Variants in ALDH18A1 observed in about 807,000 individuals in gnomAD.
The protein encoded by ALDH18A1 is aldehyde dehydrogenase 18 family member A1, also known as delta-1-pyrroline-5-carboxylate synthase.
ALDH18A1 carries 44 observed loss-of-function variants against 88.8 expected under a neutral mutation model. The observed-to-expected ratio is 0.50, with a 90% CI of 0.39 to 0.64. The LOEUF is 0.64. Ranked by LOEUF, ALDH18A1 falls within the 30% of genes least tolerant of loss-of-function variation. The probability of loss-of-function intolerance (pLI) is 0.00; values close to 1 mark genes in which losing one functional copy is unlikely to be tolerated. For synonymous variants in ALDH18A1, 331 were observed against 372.1 expected (o/e 0.89, Z 1.27); for missense variants, 782 against 1,009.5 (o/e 0.77, Z 3.05).
In ALDH18A1 at chr10:95,637,208, C is replaced by A. The variant is rs1158994004; in HGVS notation, c.454-11G>T. Reference sequence around the variant, plus strand: ...TAAGACTGGAATTGCCTGTAATATACCAATGAGACAAGGTGTGGTAGGGAA... The same window carrying A: ...TAAGACTGGAATTGCCTGTAATATAACAATGAGACAAGGTGTGGTAGGGAA... On this transcript the variant is annotated splice_polypyrimidine_tract_variant and intron_variant, in intron 4 of 17. Coordinates refer to ENST00000371224, the MANE Select transcript of ALDH18A1 (RefSeq NM_002860.4). The A allele has an allele frequency of 6.2e-7, 1 of 1,614,178 alleles. No individual in the cohort carries two copies. Among genetic ancestry groups the A allele is most frequent in the Non-Finnish European group, 8.5e-7 (1 of 1,180,034 alleles).
rs373239891 is a variant in ALDH18A1 at position 95,621,081 on chromosome 10, T to C, written c.1417A>G (p.Ile473Val). Residue 473 changes from isoleucine to valine, a missense_variant, in exon 12 of 18, where the codon ATT (isoleucine) becomes GTT (valine). Coordinates refer to ENST00000371224, the MANE Select transcript of ALDH18A1 (RefSeq NM_002860.4). ...NLELEQVTVP[I>V]GVLLVIFESR... ...TCAAAGATCACCAGCAGAACTCCAA[T>C]TGGGACAGTCACTTGTTCCAGTTCC... 2.4e-5 allele frequency: 38 copies of C among 1,614,014 alleles called. No individual in the cohort carries two copies. The highest frequency in any genetic ancestry group is 6.7e-5 in the Admixed American group (4 of 59,988).
At chr10:95,628,188 G>A (rs1407593445) in intron 8 of ALDH18A1, among the ~76,000 whole-genome samples, 180 bp downstream of exon 8, 3 of 152,120 alleles carry the variant, frequency 2.0e-5, no homozygotes, top group African/African-American at 7.2e-5. Context: ...CACATACACA[G>A]ACATAACCAA....
chr10:95,635,529 A>C (rs1454570329), intron 5 of ALDH18A1, among the ~76,000 whole-genome samples: 1 of 152,214 alleles, frequency 6.6e-6, no homozygotes, highest in Non-Finnish European at 1.5e-5. Flanking sequence ...CAAACCACCT[A>C]CTGGAAATTT....
chr10:95,635,890 C>G (rs1486858947), intron 5 of ALDH18A1, among the ~76,000 whole-genome samples: 1 of 152,196 alleles, frequency 6.6e-6, no homozygotes, highest in African/African-American at 2.4e-5. Context: ...CACCTGGCTC[C>G]AGGCACTTTA....
intron 7 of ALDH18A1, among the ~76,000 whole-genome samples, chr10:95,632,508 C>T (rs2152916): frequency 0.28 from 42,059 of 152,004 alleles, 6,778 homozygotes; most frequent in Admixed American, 0.4. Flanking sequence ...GAACCGCAGG[C>T]GCATACCACC....
rs2097858892 is a variant in ALDH18A1, at chr10:95,625,392, C to T, written c.1216G>A (p.Ala406Thr). 6.2e-7 allele frequency: 1 copy of T among 1,613,928 alleles called. No individual in the cohort carries two copies. Among genetic ancestry groups the T allele is most frequent in the Non-Finnish European group, 8.5e-7 (1 of 1,179,984 alleles). ...LTDQRDEILL[A>T]NKKDLEEAEG... ...GCCTCCTCCAAGTCTTTTTTGTTGG[C>T]TAACAGGATCTCATCACGCTGGTCC... Residue 406 changes from alanine to threonine, a missense_variant, in exon 11 of 18, where the codon GCC becomes ACC. Ala to Thr is a moderately conservative substitution (Grantham distance 58). Coordinates refer to ENST00000371224, the MANE Select transcript of ALDH18A1 (RefSeq NM_002860.4).
chr10:95,623,063 G>A (rs2097855347), intron 11 of ALDH18A1, among the ~76,000 whole-genome samples: 1 of 150,772 alleles, frequency 6.6e-6, no homozygotes, highest in Non-Finnish European at 1.5e-5. Context: ...TTTCTGCCTT[G>A]GGGGGAAGCA....
intron 2 of ALDH18A1, 96 bp downstream of exon 2, chr10:95,653,194 A>G: frequency 1.6e-6 from 2 of 1,230,078 alleles, no homozygotes; most frequent in South Asian, 2.4e-5. Context: ...TCTCCAAACA[A>G]ACAAACAAAC....
At position 95,616,934 on chromosome 10, in the gene ALDH18A1, C is replaced by T. The variant is rs1566003345; in HGVS notation, c.1468-320G>A. Among the ~76,000 whole-genome samples, 4 of 152,304 alleles carry T rather than the reference C, an allele frequency of 2.6e-5. No homozygotes were observed. The South Asian group carries it at 8.3e-4, about 32-fold the overall frequency. Reference sequence around the variant, plus strand: ...TTTTAGCAACTAAACTATATGGCTTCCTTAGCACCATTAGCAAAGAGAACT... The same window carrying T: ...TTTTAGCAACTAAACTATATGGCTTTCTTAGCACCATTAGCAAAGAGAACT... On this transcript the variant is annotated intron_variant, in intron 12 of 17. Coordinates refer to ENST00000371224, the MANE Select transcript of ALDH18A1 (RefSeq NM_002860.4).
intron 17 of ALDH18A1, among the ~76,000 whole-genome samples, chr10:95,607,248 T>C (rs2097824466): frequency 6.6e-6 from 1 of 152,272 alleles, no homozygotes; most frequent in Admixed American, 6.5e-5. Context: ...GCATCTGAAT[T>C]GCATACCATA....
At chr10:95,629,466 A>G (rs939301426) in intron 7 of ALDH18A1, among the ~76,000 whole-genome samples, 11 of 152,244 alleles carry the variant, frequency 7.2e-5, no homozygotes, top group African/African-American at 2.4e-5. Flanking sequence ...AGAGCAAAGC[A>G]GTGGCAACTA....
intron 17 of ALDH18A1, among the ~76,000 whole-genome samples, chr10:95,609,932 C>T (rs1381460434): frequency 6.6e-6 from 1 of 152,042 alleles, no homozygotes; most frequent in Non-Finnish European, 1.5e-5. Context: ...CCACACCTGG[C>T]TAATTTTTTG....
chr10:95,631,493 C>T (rs1018761244), intron 7 of ALDH18A1, among the ~76,000 whole-genome samples: 9 of 151,978 alleles, frequency 5.9e-5, no homozygotes, highest in South Asian at 2.1e-4. Flanking sequence ...ACCTGTAATC[C>T]CAGCACTTTG....
intron 5 of ALDH18A1, 26 bp from the exon 6 acceptor site, chr10:95,633,675 T>C (rs748133741): frequency 6.8e-6 from 11 of 1,612,934 alleles, no homozygotes; most frequent in Non-Finnish European, 9.3e-6. Flanking sequence ...AGATGGAAAA[T>C]GCATGAGGGA....
At position 95,633,495 on chromosome 10, in the gene ALDH18A1, AC is replaced by A; in HGVS notation, c.712del (p.Val238Ter). 6.2e-7 allele frequency: 1 copy of A among 1,613,902 alleles called. No individual in the cohort carries two copies. ...CCTTAGAAATACTTTACCCACATTT[AC>A]CCCCTGCAGGTCACTGTTGGGCTCA... Reference protein sequence around the residue: ...PAEPNSDLQGVNVISVKDNDS... With the variant: ...PAEPNSDLQGXNVISVKDNDS... On this transcript the variant is annotated frameshift_variant, in exon 6 of 18. Coordinates refer to ENST00000371224, the MANE Select transcript of ALDH18A1 (RefSeq NM_002860.4). LOFTEE classifies it high-confidence loss of function.
At position 95,606,625 on chromosome 10, in the gene ALDH18A1, G is replaced by T; in HGVS notation, c.*137C>A. The T allele has an allele frequency of 6.3e-7, 1 of 1,598,868 alleles. No homozygotes were observed. On this transcript the variant is annotated 3_prime_UTR_variant, in exon 18 of 18. Coordinates refer to ENST00000371224, the MANE Select transcript of ALDH18A1 (RefSeq NM_002860.4). ...GCCAAGACTGCTATTGCCAAACGGA[G>T]CCCAGAAGCATCCAGGTACACTTTC...
At chr10:95,629,422 G>C (rs544697717) in intron 7 of ALDH18A1, among the ~76,000 whole-genome samples, 2 of 152,272 alleles carry the variant, frequency 1.3e-5, no homozygotes, top group African/African-American at 4.8e-5. Context: ...AGGAGTAAGT[G>C]AATCAGGGAA....
chr10:95,630,648 T>C (rs2097867508), intron 7 of ALDH18A1, among the ~76,000 whole-genome samples: 1 of 151,436 alleles, frequency 6.6e-6, no homozygotes, highest in African/African-American at 2.4e-5. Context: ...GAGGCGGAGG[T>C]TGCAGTGAGC....
intron 2 of ALDH18A1, among the ~76,000 whole-genome samples, chr10:95,652,131 T>C (rs973102701): frequency 2.6e-5 from 4 of 152,260 alleles, no homozygotes; most frequent in Non-Finnish European, 5.9e-5. Context: ...AAAGGTTACA[T>C]ACTGGATAAT....
Sources: gnomAD v4.1 joint callset for allele counts (sites outside exome capture counted in the v4.1 genomes callset) on GRCh38, gnomAD v4.1.1 for gene constraint, MANE v1.5 for transcripts, NCBI Gene and HGNC (gene_info 2026-07-23, HGNC 2026-07-21) for gene names.